QRICH1: variants seen among roughly 807,000 people sequenced by gnomAD.
The protein encoded by QRICH1 is glutamine rich 1, also known as transcriptional regulator QRICH1.
A neutral mutation model predicts 87.1 loss-of-function variants in QRICH1; 16 were observed. That is an observed-to-expected ratio of 0.18 (90% CI 0.12 to 0.28). The LOEUF is 0.28. Among genes scored for constraint, QRICH1 ranks in the 10% least tolerant of loss-of-function variants. The pLI, the probability that QRICH1 is intolerant of heterozygous loss-of-function variation, is 1.00. For synonymous variants in QRICH1, 367 were observed against 368.4 expected, an observed-to-expected ratio of 1.00 and a Z score of 0.05; for missense variants, 647 against 951.7, an observed-to-expected ratio of 0.68 and a Z score of 4.21.
chr3:49,073,377 C>T (rs557517349), intron 2 of QRICH1, among the ~76,000 whole-genome samples: 14 of 151,930 alleles, frequency 9.2e-5, no homozygotes, highest in Admixed American at 8.5e-4. Flanking sequence ...CCTGTCTCTA[C>T]TAAAAATACA....
intron 2 of QRICH1, among the ~76,000 whole-genome samples, chr3:49,071,100 T>C (rs1317298949): frequency 6.6e-6 from 1 of 151,680 alleles, no homozygotes; most frequent in African/African-American, 2.4e-5. Flanking sequence ...ACTCTTGCTC[T>C]ATCGCCCAGG....
At chr3:49,033,373 G>A (rs142976667) in intron 6 of QRICH1, 145 bp from the exon 7 acceptor site, 2 of 442,798 alleles carry the variant, frequency 4.5e-6, no homozygotes, top group African/African-American at 4.1e-5. Context: ...AAATCATCTG[G>A]AAAGCTTCTT....
At position 49,032,763 on chromosome 3, in the gene QRICH1, A is replaced by G. The variant is rs746526268; in HGVS notation, c.1906T>C (p.Leu636=). The change falls in exon 8 of 10, where the codon TTG becomes CTG. Residue 636 remains leucine (L), a synonymous_variant. Transcript: ENST00000395443. ...LMFFNTKYFL[L]KTVDQHMKLA... is the part of the protein sequence containing the mutation. The stretch of plus-strand genomic sequence containing the variant: ...TTCATGTGCTGGTCCACTGTCTTCA[A>G]TAGGAAGTACCTGGATCACAAGTAA... 28 of 1,605,824 alleles carry G rather than the reference A, an allele frequency of 1.7e-5. No homozygotes were observed. The highest frequency in any genetic ancestry group is 2.7e-5 in the African/African-American group (2 of 74,298).
intron 5 of QRICH1, 107 bp downstream of exon 5, chr3:49,046,318 G>A (rs2093339420): frequency 9.4e-6 from 11 of 1,176,050 alleles, no homozygotes; most frequent in Admixed American, 2.6e-5. Flanking sequence ...ATACCTGAAA[G>A]AGAACTTCCT....
chr3:49,079,128 C>T (rs938776118), intron 1 of QRICH1, among the ~76,000 whole-genome samples: 25 of 151,890 alleles, frequency 1.6e-4, no homozygotes, highest in Non-Finnish European at 3.2e-4. Context: ...CCAGCTACTA[C>T]GGAGGCTAAG....
chr3:49,033,011 A>T (rs1298159741), intron 7 of QRICH1, 109 bp downstream of exon 7: 1 of 1,006,290 alleles, frequency 9.9e-7, no homozygotes, highest in Non-Finnish European at 1.4e-6. Flanking sequence ...TAGGGCTTTC[A>T]GTAGCCCAGT....
At position 49,057,152 on chromosome 3, in the gene QRICH1, C is replaced by A; in HGVS notation, c.1048G>T (p.Ala350Ser). 1 of 1,614,220 alleles carries A rather than the reference C, an allele frequency of 6.2e-7. No homozygotes were observed. Among genetic ancestry groups the A allele is most frequent in the Non-Finnish European group, 8.5e-7 (1 of 1,180,038 alleles). ...TTGTCATCCTCCAGCTTAACAGCTG[C>A]CAGGGCTGTGGGTGAGCCACTGACG... is the stretch of plus-strand genomic sequence containing the variant. ...VHVSGSPTAL[A>S]AVKLEDDKEK... is the part of the protein sequence containing the mutation. The change falls in exon 3 of 10, where the codon GCA (alanine) becomes TCA (serine). Residue 350 changes from alanine to serine, a missense_variant. Ala to Ser is a moderately conservative substitution (Grantham distance 99). Transcript: ENST00000395443. The surrounding 1 kb of genome is among the most constrained non-coding windows in gnomAD (Gnocchi z 5.4).
intron 1 of QRICH1, among the ~76,000 whole-genome samples, chr3:49,090,260 C>T (rs551355255): frequency 6.6e-6 from 1 of 152,324 alleles, no homozygotes; most frequent in East Asian, 1.9e-4. Context: ...GAGATCAAGA[C>T]CATGCTGGCT....
chr3:49,093,410 A>G (rs993981661), intron 1 of QRICH1: 1 of 151,984 alleles, frequency 6.6e-6, no homozygotes, highest in African/African-American at 2.4e-5. Flanking sequence ...AAAGGACCCA[A>G]TCCTCAACCT....
intron 6 of QRICH1, 106 bp from the exon 7 acceptor site, chr3:49,033,334 A>C: frequency 3.4e-6 from 2 of 595,786 alleles, no homozygotes; most frequent in Non-Finnish European, 2.6e-6. Flanking sequence ...TATAAATTTC[A>C]TCAGGGGACT....
chr3:49,087,630 C>T (rs148923907), intron 1 of QRICH1, among the ~76,000 whole-genome samples: 3,961 of 151,040 alleles, frequency 0.026, 68 homozygotes, highest in Middle Eastern at 0.041. Flanking sequence ...AATCCTAGCA[C>T]GCTGGAAGGC....
chr3:49,053,425 C>T (rs142340629), intron 3 of QRICH1, among the ~76,000 whole-genome samples: 180 of 141,534 alleles, frequency 1.3e-3, no homozygotes, highest in African/African-American at 4.6e-3. Context: ...GCGGAGGTTG[C>T]AGTGAGCCGA....
At chr3:49,036,888 C>G (rs2093278245) in intron 6 of QRICH1, among the ~76,000 whole-genome samples, 1 of 151,548 alleles carries the variant, frequency 6.6e-6, no homozygotes, top group East Asian at 1.9e-4. Context: ...CATGGCAAAA[C>G]CCCATCTCTA....
intron 3 of QRICH1, among the ~76,000 whole-genome samples, chr3:49,052,968 C>T (rs2093379718): frequency 6.6e-6 from 1 of 152,168 alleles, no homozygotes; most frequent in Admixed American, 6.5e-5. Context: ...CAGATAGTAT[C>T]AGTGATTATC....
chr3:49,056,981 G>T lies in QRICH1; in HGVS notation c.1219C>A (p.Gln407Lys). Residue 407 changes from glutamine to lysine, a missense_variant, in exon 3 of 10, where the codon CAG (glutamine) becomes AAG (lysine). Around this residue, in one of 7 missense-constraint regions of QRICH1, gnomAD observed 115 missense variants for 126.8 expected, o/e 0.91. Coordinates refer to ENST00000395443, the MANE Select transcript of QRICH1 (RefSeq NM_198880.3). ...ATATGGACAGTTTGAGCCGTATTCT[G>T]GTACGTGCCTGCCACAGCCTGCACA... is the stretch of plus-strand genomic sequence containing the variant. ...VAVQAVAGTYQNTAQTVHIWD... is the reference protein window; with the variant it reads ...VAVQAVAGTYKNTAQTVHIWD... 2 of 1,614,048 alleles carry T rather than the reference G, an allele frequency of 1.2e-6. No individual in the cohort carries two copies. The highest frequency in any genetic ancestry group is 4.5e-5 in the East Asian group (2 of 44,904).
At chr3:49,077,988 T>C (rs2041984192) in intron 1 of QRICH1, among the ~76,000 whole-genome samples, 1 of 152,212 alleles carries the variant, frequency 6.6e-6, no homozygotes. Context: ...GGGAAAAGTG[T>C]GCAATCTGTG....
At chr3:49,041,865 T>C (rs1205178881) in intron 6 of QRICH1, among the ~76,000 whole-genome samples, 1 of 151,938 alleles carries the variant, frequency 6.6e-6, no homozygotes, top group Non-Finnish European at 1.5e-5. Flanking sequence ...CCTGATATCA[T>C]GATCTACCTG....
chr3:49,056,776 T>C, intron 3 of QRICH1, 86 bp downstream of exon 3: 1 of 1,586,564 alleles, frequency 6.3e-7, no homozygotes, highest in Non-Finnish European at 8.6e-7. Flanking sequence ...CAGCAGTAAA[T>C]AAGCCAGAGG....
chr3:49,068,634 CT>C (rs1181774174), intron 2 of QRICH1, among the ~76,000 whole-genome samples: 94 of 142,996 alleles, frequency 6.6e-4, no homozygotes, highest in South Asian at 5.3e-3. Context: ...AAATTTCTTT[CT>C]TTTTTTTTTT....
Sources: allele counts gnomAD v4.1 joint callset (sites outside exome capture counted in the v4.1 genomes callset), GRCh38; gene constraint gnomAD v4.1.1; regional missense constraint gnomAD v4.1.1; non-coding constraint Gnocchi (gnomAD v3.1); transcripts MANE v1.5; gene names NCBI Gene and HGNC (gene_info 2026-07-23, HGNC 2026-07-21).